SRPK2: variants seen among roughly 807,000 people sequenced by gnomAD.
The protein encoded by SRPK2 is SRSF protein kinase 2.
A neutral mutation model predicts 90.8 loss-of-function variants in SRPK2; 21 were observed. That is an observed-to-expected ratio of 0.23 (90% CI 0.16 to 0.33). The LOEUF (loss-of-function observed/expected upper bound fraction) is 0.33, where lower values mean the gene tolerates loss of function less well. SRPK2 is among the 10% of genes least tolerant of loss of function. SRPK2 has a pLI of 1.00. For synonymous variants in SRPK2, 288 were observed against 311.1 expected (o/e 0.93, Z 0.78); for missense variants, 620 against 869.0 (o/e 0.71, Z 3.60).
At chr7:105,226,742 A>T (rs1798760534) in intron 2 of SRPK2, among the ~76,000 whole-genome samples, 1 of 151,934 alleles carries the variant, frequency 6.6e-6, no homozygotes, top group African/African-American at 2.4e-5. Flanking sequence ...ACGATGGCTC[A>T]TACCTGTAAT....
intron 2 of SRPK2, among the ~76,000 whole-genome samples, chr7:105,283,653 T>C (rs924680253): frequency 2.0e-5 from 3 of 152,036 alleles, no homozygotes; most frequent in Non-Finnish European, 4.4e-5. Flanking sequence ...GAGGTTCTCT[T>C]TGAGGTGATG....
At chr7:105,393,076 C>G (rs1822224331), upstream of SRPK2, among the ~76,000 whole-genome samples, 5 of 152,136 alleles carry the variant, frequency 3.3e-5, no homozygotes, top group Admixed American at 3.3e-4. Context: ...CTAACGCAAC[C>G]TCCGCCTTCC....
chr7:105,369,269 C>T (rs1209686236), intron 2 of SRPK2, among the ~76,000 whole-genome samples: 1 of 151,926 alleles, frequency 6.6e-6, no homozygotes, highest in African/African-American at 2.4e-5. Context: ...GCCTCAGCCT[C>T]CCGAGTAGCT....
intron 3 of SRPK2, among the ~76,000 whole-genome samples, 174 bp from the exon 4 acceptor site, chr7:105,169,439 A>C (rs1467151109): frequency 2.0e-5 from 3 of 152,234 alleles, no homozygotes; most frequent in African/African-American, 7.2e-5. Context: ...AACAAGAAAA[A>C]GTGTTGGCTG....
chr7:105,364,405 G>GTTTTTTTTTT (rs71152964), intron 2 of SRPK2, among the ~76,000 whole-genome samples: 13,247 of 132,210 alleles, frequency 0.1, 878 homozygotes, highest in East Asian at 0.15. Flanking sequence ...CGTGTGTAAC[G>GTTTTTTTTTT]TTTTTTTTTT....
chr7:105,232,062 T>A (rs1206797710), intron 2 of SRPK2, among the ~76,000 whole-genome samples: 1 of 152,150 alleles, frequency 6.6e-6, no homozygotes, highest in Non-Finnish European at 1.5e-5. Context: ...CTATGTTGCC[T>A]AGACTGGTCT....
rs976572015 is a variant in SRPK2 at position 105,188,869 on chromosome 7, A to T, written c.229+14759T>A. ...ATCAAACATGCCTGGGCCCTTAAAG[A>T]GAATTGGTGGATAGCCCCAACTAAC... On this transcript the variant is annotated intron_variant, in intron 3 of 15. Coordinates refer to ENST00000393651, the MANE Select transcript of SRPK2 (RefSeq NM_182692.3). Among the ~76,000 whole-genome samples the T allele has an allele frequency of 2.4e-4, 37 of 152,250 alleles. 1 individual carries two copies. The highest frequency in any genetic ancestry group is 3.9e-4 in the Admixed American group (6 of 15,290).
intron 2 of SRPK2, among the ~76,000 whole-genome samples, chr7:105,311,380 C>T (rs962078170): frequency 6.6e-6 from 1 of 152,092 alleles, no homozygotes; most frequent in African/African-American, 2.4e-5. Context: ...CTAGTGGCAC[C>T]TGCCACCACG....
chr7:105,369,849 G>A (rs947527418), intron 2 of SRPK2, among the ~76,000 whole-genome samples: 1 of 152,134 alleles, frequency 6.6e-6, no homozygotes, highest in Non-Finnish European at 1.5e-5. Context: ...CCAACACGGA[G>A]AAACCCCGTC....
intron 2 of SRPK2, among the ~76,000 whole-genome samples, chr7:105,348,170 C>T (rs1377521428): frequency 7.3e-6 from 1 of 137,776 alleles, no homozygotes; most frequent in Non-Finnish European, 1.5e-5. Context: ...CTCCCGGGTT[C>T]AAGCGATTCT....
intron 2 of SRPK2, among the ~76,000 whole-genome samples, chr7:105,256,148 G>A (rs996063563): frequency 1.3e-5 from 2 of 152,176 alleles, no homozygotes; most frequent in Non-Finnish European, 2.9e-5. Flanking sequence ...TCAATCTACA[G>A]CTAATGCTTA....
chr7:105,118,285 G>C (rs573241890), intron 15 of SRPK2, among the ~76,000 whole-genome samples: 1 of 152,330 alleles, frequency 6.6e-6, no homozygotes, highest in South Asian at 2.1e-4. Context: ...CTTTAAGTAA[G>C]TGGAGTGGGC....
At chr7:105,160,098 CTCT>C (rs1807363522) in intron 7 of SRPK2, among the ~76,000 whole-genome samples, 1 of 152,186 alleles carries the variant, frequency 6.6e-6, no homozygotes, top group Non-Finnish European at 1.5e-5. Flanking sequence ...TTGTACACAA[CTCT>C]TCAATTATCT....
In SRPK2 at chr7:105,234,364, C is replaced by T. The variant is rs1445495733; in HGVS notation, c.72-30579G>A. 2.0e-5 allele frequency among the ~76,000 whole-genome samples: 3 copies of T among 152,112 alleles called. No homozygotes were observed. In the East Asian group the frequency reaches 5.8e-4, roughly 29 times the overall value. On this transcript the variant is annotated intron_variant, in intron 2 of 15. Transcript: ENST00000393651. ...AAACTAATATTTCATCAATGGATTG[C>T]TATTGCTTTTCAATCTACCAAAAGA...
intron 2 of SRPK2, among the ~76,000 whole-genome samples, chr7:105,280,588 T>A (rs191869644): frequency 6.7e-6 from 1 of 149,028 alleles, no homozygotes; most frequent in East Asian, 2.0e-4. Flanking sequence ...AACTTCATTA[T>A]GTTAAGAGGT....
chr7:105,254,213 C>T (rs1295670071), intron 2 of SRPK2, among the ~76,000 whole-genome samples: 2 of 152,176 alleles, frequency 1.3e-5, no homozygotes. Flanking sequence ...CACAATAATA[C>T]TTAACTTTTA....
intron 2 of SRPK2, among the ~76,000 whole-genome samples, chr7:105,331,308 CA>C (rs57653042): frequency 3.4e-3 from 152 of 45,056 alleles, no homozygotes; most frequent in African/African-American, 6.8e-3. Context: ...GACTCCGTCT[CA>C]AAAAAAAAAA....
At chr7:105,384,143 TA>T in intron 2 of SRPK2, among the ~76,000 whole-genome samples, 1 of 152,086 alleles carries the variant, frequency 6.6e-6, no homozygotes, top group South Asian at 2.1e-4. Flanking sequence ...ATGAAAAAAA[TA>T]AATGAAAGAG....
At chr7:105,262,916 G>C (rs183245366) in intron 2 of SRPK2, among the ~76,000 whole-genome samples, 6 of 152,210 alleles carry the variant, frequency 3.9e-5, no homozygotes, top group African/African-American at 1.2e-4. Context: ...TGGAAGTATA[G>C]AGTGGTACAT....
Sources: allele counts gnomAD v4.1 joint callset (sites outside exome capture counted in the v4.1 genomes callset), GRCh38; gene constraint gnomAD v4.1.1; transcripts MANE v1.5; gene names NCBI Gene and HGNC (gene_info 2026-07-23, HGNC 2026-07-21).